The following OGDH variants were observed in gnomAD, a reference collection of about 807,000 sequenced individuals.
OGDH encodes oxoglutarate dehydrogenase, also known as 2-oxoglutarate dehydrogenase complex component E1.
Under a neutral mutation model 116.6 loss-of-function variants are expected in OGDH, and 38 were observed. The observed-to-expected ratio is 0.33, with a 90% CI of 0.25 to 0.43. OGDH has a LOEUF of 0.43. OGDH is among the 20% of genes least tolerant of loss of function. The pLI, the probability that OGDH is intolerant of heterozygous loss-of-function variation, is 1.00. For missense variants in OGDH, 825 were observed against 1,357.2 expected (o/e 0.61, Z 6.16); for synonymous variants, 488 against 533.3 (o/e 0.92, Z 1.17).
At chr7:44,655,331 G>C (rs1786641596) in intron 4 of OGDH, among the ~76,000 whole-genome samples, 1 of 152,210 alleles carries the variant, frequency 6.6e-6, no homozygotes, top group Non-Finnish European at 1.5e-5. Context: ...TGTCTTAAGA[G>C]CCACTTGGCT....
At chr7:44,683,612 T>C (rs1483332770) in intron 10 of OGDH, among the ~76,000 whole-genome samples, 2 of 152,214 alleles carry the variant, frequency 1.3e-5, no homozygotes, top group Non-Finnish European at 2.9e-5. Context: ...CTGGGTTCCA[T>C]GTACACAGCT....
chr7:44,633,438 G>A (rs1303131531), intron 2 of OGDH, among the ~76,000 whole-genome samples: 1 of 152,142 alleles, frequency 6.6e-6, no homozygotes, highest in South Asian at 2.1e-4. Context: ...TCTGAAGCTG[G>A]GTGGCGGTGA....
intron 1 of OGDH, 127 bp downstream of exon 1, chr7:44,606,780 G>C (rs1410106354): frequency 6.6e-6 from 1 of 152,382 alleles, no homozygotes; most frequent in African/African-American, 2.4e-5. Flanking sequence ...CGCGGTGACA[G>C]GGGAGTGGAG....
chr7:44,633,594 C>T (rs1037563144), intron 2 of OGDH, among the ~76,000 whole-genome samples: 4 of 152,236 alleles, frequency 2.6e-5, no homozygotes, highest in African/African-American at 9.6e-5. Flanking sequence ...CTTTGGGATT[C>T]TCATATCTCT....
chr7:44,636,660 A>G (rs1195887461), intron 2 of OGDH, among the ~76,000 whole-genome samples: 2 of 152,242 alleles, frequency 1.3e-5, no homozygotes, highest in Non-Finnish European at 2.9e-5. Flanking sequence ...CTTTGAAGAA[A>G]GAGCACTGGT....
intron 1 of OGDH, among the ~76,000 whole-genome samples, chr7:44,609,455 A>G (rs1784482124): frequency 6.7e-6 from 1 of 149,952 alleles, no homozygotes; most frequent in Non-Finnish European, 1.5e-5. Context: ...GGCTGCGGTG[A>G]GCCGAGATCG....
intron 10 of OGDH, among the ~76,000 whole-genome samples, chr7:44,682,524 C>T (rs1430776868): frequency 6.6e-6 from 1 of 151,574 alleles, no homozygotes; most frequent in Non-Finnish European, 1.5e-5. Flanking sequence ...ATGGAGAAAC[C>T]TCATCTCTAC....
intron 2 of OGDH, among the ~76,000 whole-genome samples, chr7:44,629,913 C>A (rs1399581609): frequency 6.6e-6 from 1 of 152,158 alleles, no homozygotes; most frequent in East Asian, 1.9e-4. Flanking sequence ...TTTCTTCTTG[C>A]ACTTTTCACG....
In OGDH at chr7:44,697,919, C is replaced by T; in HGVS notation, c.2358+137C>T. ...CTCTGCTGGTGCTTCCCATCCATCT[C>T]AGATGGGATGTCACTTCAGAAAGCC... On this transcript the variant is annotated intron_variant, in intron 17 of 22. Coordinates refer to ENST00000222673, the MANE Select transcript of OGDH (RefSeq NM_002541.4). The surrounding 1 kb of genome is among the most constrained non-coding windows in gnomAD (Gnocchi z 6.0). 1 of 1,085,210 alleles carries T rather than the reference C, an allele frequency of 9.2e-7. No homozygotes were observed. The highest frequency in any genetic ancestry group is 1.3e-6 in the Non-Finnish European group (1 of 773,546). 67.2% of individuals were successfully genotyped at this position (1,085,210 alleles called of 1,614,324 possible).
chr7:44,696,616 G>A lies in OGDH; in HGVS notation c.1900+59G>A, dbSNP rs1788592280. The A allele has an allele frequency of 2.5e-6, 4 of 1,600,320 alleles. No individual in the cohort carries two copies. The South Asian group carries it at 3.4e-5, about 13-fold the overall frequency. ...GGGGCCCAGGCCAGGGGCGACGACT[G>A]TCTAGGACTGTGACCTTGGCCCCCA... On this transcript the variant is annotated intron_variant, in intron 14 of 22. Coordinates refer to ENST00000222673, the MANE Select transcript of OGDH (RefSeq NM_002541.4).
chr7:44,674,800 T>C (rs997281722), intron 7 of OGDH: 4 of 564,054 alleles, frequency 7.1e-6, no homozygotes, highest in Admixed American at 3.1e-5. Context: ...CATTTGGCCT[T>C]ACAGTGCATC....
chr7:44,656,254 A>G, intron 4 of OGDH: 1 of 1,511,140 alleles, frequency 6.6e-7, no homozygotes, highest in Non-Finnish European at 8.9e-7. Flanking sequence ...GGTCTTTTTT[A>G]AACTAACTCT....
Position 44,707,170 on chromosome 7 carries a change from A to C in OGDH, c.2633-55A>C. 6.3e-7 allele frequency: 1 copy of C among 1,584,322 alleles called. No individual in the cohort carries two copies. The highest frequency in any genetic ancestry group is 1.1e-5 in the South Asian group (1 of 88,262). ...CCTGGCACAGCCCTGGGCCCAGGAGAGCTCTCAGCCACATACCTGAGAGAA... is the reference window on the plus strand; with the variant it reads ...CCTGGCACAGCCCTGGGCCCAGGAGCGCTCTCAGCCACATACCTGAGAGAA... On this transcript the variant is annotated intron_variant, in intron 20 of 22. Transcript: ENST00000222673. The surrounding 1 kb of genome is among the most constrained non-coding windows in gnomAD (Gnocchi z 5.2).
chr7:44,607,224 G>T (rs1784389371), intron 1 of OGDH, among the ~76,000 whole-genome samples: 1 of 152,210 alleles, frequency 6.6e-6, no homozygotes, highest in African/African-American at 2.4e-5. Flanking sequence ...CCTTGGCGCC[G>T]CCCCCACACC....
rs572650175 is a variant in OGDH at position 44,650,503 on chromosome 7, G to C, written c.517+2744G>C. Among the ~76,000 whole-genome samples, 11 of 152,316 alleles carry C rather than the reference G, an allele frequency of 7.2e-5. No individual in the cohort carries two copies. The South Asian group carries it at 1.9e-3, about 26-fold the overall frequency. On this transcript the variant is annotated intron_variant, in intron 4 of 22. Transcript: ENST00000222673. ...TTCAAAATTGAATAAACTCCTTAAA[G>C]TAGTGCCTTGACCTTAACTATGCTC...
At chr7:44,614,838 T>A (rs1369774208) in intron 1 of OGDH, among the ~76,000 whole-genome samples, 3 of 145,904 alleles carry the variant, frequency 2.1e-5, no homozygotes, top group Non-Finnish European at 4.5e-5. Flanking sequence ...TTGGTTCTTT[T>A]TTTTTTTTTT....
intron 4 of OGDH, among the ~76,000 whole-genome samples, chr7:44,662,464 C>CTTT (rs199533460): frequency 7.6e-6 from 1 of 130,834 alleles, no homozygotes; most frequent in Non-Finnish European, 1.6e-5. Context: ...CTTTTCTTTT[C>CTTT]TTTTTTTTTT....
intron 1 of OGDH, among the ~76,000 whole-genome samples, chr7:44,616,888 T>C (rs1784826036): frequency 7.6e-6 from 1 of 131,238 alleles, no homozygotes; most frequent in African/African-American, 3.1e-5. Flanking sequence ...TATATATGTA[T>C]ATATGTGAGC....
intron 2 of OGDH, among the ~76,000 whole-genome samples, chr7:44,632,234 A>ATC (rs928709885): frequency 6.6e-6 from 1 of 152,164 alleles, no homozygotes; most frequent in African/African-American, 2.4e-5. Flanking sequence ...GACAGCAGGC[A>ATC]TACGAGGTCA....
Sources: gnomAD v4.1 joint callset for allele counts (sites outside exome capture counted in the v4.1 genomes callset) on GRCh38, gnomAD v4.1.1 for gene constraint, Gnocchi (gnomAD v3.1) non-coding constraint, MANE v1.5 for transcripts, NCBI Gene and HGNC (gene_info 2026-07-23, HGNC 2026-07-21) for gene names.